Variants in MUC12 observed in about 807,000 individuals in gnomAD.
The protein encoded by MUC12 is mucin-12.
Under a neutral mutation model 230.8 loss-of-function variants are expected in MUC12, and 172 were observed. The ratio of observed to expected loss-of-function variants is 0.75; its 90% CI spans 0.66 to 0.85. The LOEUF is 0.85. Among genes scored for constraint, MUC12 ranks in the 40% least tolerant of loss-of-function variants. MUC12 has a pLI of 0.00. For synonymous variants in MUC12, 1,259 were observed against 2,401.9 expected, an observed-to-expected ratio of 0.52 and a Z score of 13.91; for missense variants, 3,506 against 5,920.6, an observed-to-expected ratio of 0.59 and a Z score of 13.38.
At chr7:100,990,586 C>G in intron 1 of MUC12, 45 bp from the exon 2 acceptor site, 2 of 1,534,414 alleles carry the variant, frequency 1.3e-6, no homozygotes, top group Non-Finnish European at 1.7e-6. Flanking sequence ...CATGAGGAGA[C>G]AGTCATAAAT....
intron 4 of MUC12, 102 bp downstream of exon 4, chr7:101,008,863 G>GCC: frequency 7.1e-7 from 1 of 1,412,318 alleles, no homozygotes; most frequent in Non-Finnish European, 9.4e-7. Flanking sequence ...CTGCTCATGA[G>GCC]CCCCCTCCCT....
chr7:100,971,228 G>T (rs560674639), intron 1 of MUC12, among the ~76,000 whole-genome samples: 2 of 152,290 alleles, frequency 1.3e-5, no homozygotes, highest in Non-Finnish European at 2.9e-5. Context: ...GGAGACAGAG[G>T]CTCAGGGGTC....
At chr7:100,972,172 T>A in intron 1 of MUC12, 1 of 702,042 alleles carries the variant, frequency 1.4e-6, no homozygotes, top group African/African-American at 1.7e-5. Context: ...ATAATTCTCA[T>A]GAGGAGATCT....
chr7:101,005,310 G>C lies in MUC12; in HGVS notation c.14747G>C (p.Gly4916Ala). The change falls in exon 2 of 12, where the codon GGA (glycine) becomes GCA (alanine). Residue 4916 changes from glycine (G) to alanine (A), a missense_variant. Physicochemically the swap from Gly to Ala is moderately conservative, Grantham distance 60. Transcript: ENST00000536621. ...TAFHSSSDATGTTPLPARSTA... is the reference protein window; with the variant it reads ...TAFHSSSDATATTPLPARSTA... ...TTCCACAGCAGCTCAGACGCAACTG[G>C]AACAACACCCTTACCTGCCCGCTCC... The C allele has an allele frequency of 2.6e-6, 4 of 1,537,776 alleles. No individual in the cohort carries two copies. Among genetic ancestry groups the C allele is most frequent in the Non-Finnish European group, 3.5e-6 (4 of 1,147,014 alleles).
intron 5 of MUC12, 97 bp downstream of exon 5, chr7:101,009,256 C>A (rs973569180): frequency 1.6e-6 from 2 of 1,285,772 alleles, no homozygotes; most frequent in Non-Finnish European, 2.2e-6. Flanking sequence ...AATATCAATA[C>A]TGGTTGGGTC....
chr7:101,003,186 C>G lies in MUC12; in HGVS notation c.12623C>G (p.Thr4208Arg), dbSNP rs1448245866. The G allele has an allele frequency of 5.6e-6, 5 of 887,628 alleles. 1 individual carries two copies. The highest frequency in any genetic ancestry group is 6.2e-5 in the African/African-American group (2 of 32,392). 55.0% of individuals were successfully genotyped at this position (887,628 alleles called of 1,614,324 possible). Reference sequence around the variant, plus strand: ...ACAACACTTTCACCTGCCAGCACGACAAGCTCAGGCGTCAGTGAAGAATCC... The same window carrying G: ...ACAACACTTTCACCTGCCAGCACGAGAAGCTCAGGCGTCAGTGAAGAATCC... ...PDTTLSPAST[T>R]SSGVSEESTT... is the part of the protein sequence containing the mutation. The change falls in exon 2 of 12, where the codon ACA becomes AGA. Residue 4208 changes from threonine (T) to arginine (R), a missense_variant. Transcript: ENST00000536621.
intron 1 of MUC12, among the ~76,000 whole-genome samples, chr7:100,980,424 TG>T (rs1373385268): frequency 6.6e-6 from 1 of 152,202 alleles, no homozygotes; most frequent in African/African-American, 2.4e-5. Flanking sequence ...ATTCTATGGA[TG>T]GTTTATATTT....
At chr7:100,970,047 G>C (rs1275957708) in intron 1 of MUC12, among the ~76,000 whole-genome samples, 2 of 152,308 alleles carry the variant, frequency 1.3e-5, no homozygotes, top group African/African-American at 2.4e-5. Flanking sequence ...TTATCTGCTG[G>C]AGGGATGGGT....
At chr7:101,006,361 C>T in intron 2 of MUC12, 110 bp from the exon 3 acceptor site, 2 of 720,686 alleles carry the variant, frequency 2.8e-6, no homozygotes, top group East Asian at 2.7e-5. Context: ...GGTCATCTGG[C>T]ATCGTCCTGC....
chr7:100,992,533 C>A lies in MUC12; in HGVS notation c.1970C>A (p.Pro657Gln), dbSNP rs184992838. The A allele has an allele frequency of 1.3e-6, 2 of 1,537,762 alleles. No individual in the cohort carries two copies. Among genetic ancestry groups the A allele is most frequent in the Admixed American group, 3.9e-5 (2 of 50,972 alleles). The change falls in exon 2 of 12, where the codon CCA becomes CAA. Residue 657 changes from proline (P) to glutamine (Q), a missense_variant. Physicochemically the swap from Pro to Gln is moderately conservative, Grantham distance 76 (BLOSUM62 -1). Coordinates refer to ENST00000536621, the MANE Select transcript of MUC12 (RefSeq NM_001164462.2). Reference sequence around the variant, plus strand: ...ACTACCACATCAGCCTTTGTTGAGCCATCTACAACCTCCCACGGCAGCCCG... The same window carrying A: ...ACTACCACATCAGCCTTTGTTGAGCAATCTACAACCTCCCACGGCAGCCCG... ...PPTTTSAFVE[P>Q]STTSHGSPSS...
intron 1 of MUC12, among the ~76,000 whole-genome samples, chr7:100,975,737 G>T (rs1393690164): frequency 6.6e-6 from 1 of 152,312 alleles, no homozygotes; most frequent in Non-Finnish European, 1.5e-5. Context: ...TAGTTGAGTA[G>T]GACAGGAAGG....
chr7:100,984,675 T>C lies in MUC12; in HGVS notation c.68-5956T>C, dbSNP rs1793162053. Among the ~76,000 whole-genome samples, 3 of 152,208 alleles carry C rather than the reference T, an allele frequency of 2.0e-5. No homozygotes were observed. In the South Asian group the frequency reaches 6.2e-4, roughly 31 times the overall value. ...TGTGTCATTTAGTTACTTTGGCCTT[T>C]GTGTGCTTGCGCATCGCCTCCATCT... On this transcript the variant is annotated intron_variant, in intron 1 of 11. Transcript: ENST00000536621.
intron 10 of MUC12, among the ~76,000 whole-genome samples, chr7:101,016,546 C>G (rs1294620359): frequency 6.6e-6 from 1 of 152,158 alleles, no homozygotes; most frequent in African/African-American, 2.4e-5. Flanking sequence ...AACTCCAGAC[C>G]TTAGGTGATC....
chr7:100,991,629 G>A lies in MUC12; in HGVS notation c.1066G>A (p.Glu356Lys). ...CCGCTCCGCGACCTCAGGCCATGTT[G>A]AAGAATCTACAGCCTACCACAGGAG... ...PARSATSGHV[E>K]ESTAYHRSPG... Residue 356 changes from glutamate to lysine, a missense_variant, in exon 2 of 12, where the codon GAA (glutamate) becomes AAA (lysine). By Grantham distance (56) the Glu-to-Lys change is moderately conservative (BLOSUM62 1). Transcript: ENST00000536621. 2 of 1,536,952 alleles carry A rather than the reference G, an allele frequency of 1.3e-6. No homozygotes were observed. Among genetic ancestry groups the A allele is most frequent in the Non-Finnish European group, 1.7e-6 (2 of 1,146,318 alleles).
chr7:100,970,787 G>C (rs927567857), intron 1 of MUC12, among the ~76,000 whole-genome samples: 4 of 152,016 alleles, frequency 2.6e-5, no homozygotes, highest in Non-Finnish European at 5.9e-5. Context: ...CACGAGGTCA[G>C]GAGATCGAGA....
Position 100,991,372 on chromosome 7 carries a change from C to T in MUC12, c.809C>T (p.Thr270Ile). Residue 270 changes from threonine (T) to isoleucine (I), a missense_variant, in exon 2 of 12, where the codon ACC becomes ATC. Physicochemically the swap from Thr to Ile is moderately conservative, Grantham distance 89. Coordinates refer to ENST00000536621, the MANE Select transcript of MUC12 (RefSeq NM_001164462.2). ...HTTLSPSSSTTHEGEPTTFQS... is the reference protein window; with the variant it reads ...HTTLSPSSSTIHEGEPTTFQS... ...ACACTGTCCCCTTCCAGCTCTACAA[C>T]CCATGAGGGAGAACCTACCACCTTC... 6.5e-7 allele frequency: 1 copy of T among 1,537,810 alleles called. No individual in the cohort carries two copies. Among genetic ancestry groups the T allele is most frequent in the South Asian group, 1.2e-5 (1 of 84,062 alleles).
rs564628924 is a variant in MUC12, at chr7:100,971,582, G to A, written c.67+1893G>A. ...CTTTACCCCCACCCGGACATGTTGG[G>A]AGAGAGGTACAGGCAGGGAGGAGCT... is the stretch of plus-strand genomic sequence containing the variant. On this transcript the variant is annotated intron_variant, in intron 1 of 11. Coordinates refer to ENST00000536621, the MANE Select transcript of MUC12 (RefSeq NM_001164462.2). Among the ~76,000 whole-genome samples the A allele has an allele frequency of 1.8e-4, 27 of 152,422 alleles. No individual in the cohort carries two copies. The South Asian group carries it at 5.6e-3, about 32-fold the overall frequency.
chr7:100,990,672 GCATCCA>G lies in MUC12; in HGVS notation c.112_117del (p.Ser38_Thr39del). 6.5e-7 allele frequency: 1 copy of G among 1,537,606 alleles called. No individual in the cohort carries two copies. Among genetic ancestry groups the G allele is most frequent in the Non-Finnish European group, 8.7e-7 (1 of 1,146,980 alleles). ...CAGTATTGGAGGTAATACAACTTCTGCATCCACACCCAGTTCAAGCGACCCTTTTAC... is the reference window on the plus strand; with the variant it reads ...CAGTATTGGAGGTAATACAACTTCTGCACCCAGTTCAAGCGACCCTTTTAC... On this transcript the variant is annotated inframe_deletion, in exon 2 of 12. Transcript: ENST00000536621.
intron 9 of MUC12, 72 bp from the exon 10 acceptor site, chr7:101,015,543 T>G: frequency 1.5e-6 from 2 of 1,345,066 alleles, no homozygotes; most frequent in South Asian, 2.5e-5. Context: ...CGAGGGAAGC[T>G]GAAGGTCAGG....
Sources: gnomAD v4.1 joint callset for allele counts (sites outside exome capture counted in the v4.1 genomes callset) on GRCh38, gnomAD v4.1.1 for gene constraint, MANE v1.5 for transcripts, NCBI Gene and HGNC (gene_info 2026-07-23, HGNC 2026-07-21) for gene names.